The following CDH4 variants were observed in gnomAD, a reference collection of about 807,000 sequenced individuals.
CDH4 encodes cadherin 4.
CDH4 carries 33 observed loss-of-function variants against 86.0 expected under a neutral mutation model. The ratio of observed to expected loss-of-function variants is 0.38; its 90% CI spans 0.29 to 0.51. CDH4 has a LOEUF of 0.51. CDH4 is among the 20% of genes least tolerant of loss of function. CDH4 has a pLI of 0.86. For missense variants in CDH4, 1,114 were observed against 1,307.4 expected (o/e 0.85, Z 2.28); for synonymous variants, 555 against 549.4 (o/e 1.01, Z -0.14).
chr20:61,525,345 T>C (rs1160078938), intron 2 of CDH4, among the ~76,000 whole-genome samples: 1 of 152,138 alleles, frequency 6.6e-6, no homozygotes, highest in Non-Finnish European at 1.5e-5. Context: ...AGCACTTCCT[T>C]GGGTTTGCCC....
At chr20:61,550,437 G>A (rs1202589319) in intron 2 of CDH4, among the ~76,000 whole-genome samples, 3 of 152,150 alleles carry the variant, frequency 2.0e-5, no homozygotes, top group African/African-American at 4.8e-5. Flanking sequence ...CCCCTCTCAG[G>A]CCATTGGGAA....
intron 2 of CDH4, among the ~76,000 whole-genome samples, chr20:61,646,613 C>T (rs377166736): frequency 1.3e-4 from 20 of 152,322 alleles, no homozygotes; most frequent in African/African-American, 4.8e-4. Context: ...GGGGCCGTGC[C>T]CTGGGGCTCT....
At chr20:61,884,103 C>T (rs1182388516) in intron 7 of CDH4, among the ~76,000 whole-genome samples, 1 of 152,144 alleles carries the variant, frequency 6.6e-6, no homozygotes, top group South Asian at 2.1e-4. Flanking sequence ...TGATCCAGCT[C>T]AGCACAGCAG....
At chr20:61,675,894 CTG>C (rs1028344595) in intron 2 of CDH4, among the ~76,000 whole-genome samples, 79 of 152,368 alleles carry the variant, frequency 5.2e-4, no homozygotes, top group African/African-American at 1.7e-3. Flanking sequence ...GTGCCCCTCA[CTG>C]TGCTTTCCAA....
intron 2 of CDH4, among the ~76,000 whole-genome samples, chr20:61,288,845 AG>A (rs774007264): frequency 1.3e-5 from 2 of 152,242 alleles, no homozygotes; most frequent in East Asian, 1.9e-4. Context: ...GGGAGGTTCA[AG>A]GGTATTCCTT....
chr20:61,479,332 C>T (rs1161131481), intron 2 of CDH4, among the ~76,000 whole-genome samples: 1 of 152,060 alleles, frequency 6.6e-6, no homozygotes, highest in Non-Finnish European at 1.5e-5. Context: ...GGTATATCTC[C>T]TAATGCTATC....
chr20:61,636,513 C>T (rs757485333), intron 2 of CDH4, among the ~76,000 whole-genome samples: 96 of 152,264 alleles, frequency 6.3e-4, no homozygotes, highest in Middle Eastern at 3.2e-3. Context: ...AATCCCTGTT[C>T]CCGTCGCAGG....
intron 2 of CDH4, among the ~76,000 whole-genome samples, chr20:61,384,571 C>T (rs1258047142): frequency 6.6e-6 from 1 of 152,134 alleles, no homozygotes; most frequent in East Asian, 1.9e-4. Flanking sequence ...TCATCCCACC[C>T]TCTGCGTCTT....
In CDH4 at chr20:61,899,489, G is replaced by A. The variant is rs374260209; in HGVS notation, c.1188+4442G>A. Among the ~76,000 whole-genome samples, 45 of 152,172 alleles carry A rather than the reference G, an allele frequency of 3.0e-4. No homozygotes were observed. In the South Asian group the frequency reaches 5.2e-3, roughly 18 times the overall value. On this transcript the variant is annotated intron_variant, in intron 8 of 15. Transcript: ENST00000614565. ...GTCGCCCAGGCTGGAGTGCAGTGGC[G>A]TGGTCTCGGCTCACTGCAACCTCCG...
chr20:61,385,459 C>T (rs1287726234), intron 2 of CDH4, among the ~76,000 whole-genome samples: 2 of 140,416 alleles, frequency 1.4e-5, no homozygotes, highest in African/African-American at 5.6e-5. Context: ...CCCGCCGCCC[C>T]CCGCCCCCTT....
At chr20:61,301,956 A>G (rs894184072) in intron 2 of CDH4, among the ~76,000 whole-genome samples, 3 of 152,266 alleles carry the variant, frequency 2.0e-5, no homozygotes, top group African/African-American at 2.4e-5. Context: ...CTTTTACGCC[A>G]TACTTCCGTT....
intron 2 of CDH4, among the ~76,000 whole-genome samples, chr20:61,431,415 A>G (rs2085245964): frequency 7.5e-6 from 1 of 134,126 alleles, no homozygotes; most frequent in East Asian, 2.2e-4. Context: ...GCTGGAGTGT[A>G]GTTTTGCAAT....
rs376165563 is a variant in CDH4 at position 61,787,967 on chromosome 20, T to C, written c.576+14785T>C. On this transcript the variant is annotated intron_variant, in intron 4 of 15. Coordinates refer to ENST00000614565, the MANE Select transcript of CDH4 (RefSeq NM_001794.5). ...CAGGTCACTCAGGGGCGTGTGGCCATGGGAGGGACTTGGTGGTTGATTCTG... is the reference window on the plus strand; with the variant it reads ...CAGGTCACTCAGGGGCGTGTGGCCACGGGAGGGACTTGGTGGTTGATTCTG... 1.3e-3 allele frequency among the ~76,000 whole-genome samples: 195 copies of C among 152,290 alleles called. 1 individual carries two copies. Among genetic ancestry groups the C allele is most frequent in the African/African-American group, 4.0e-3 (168 of 41,546 alleles).
At chr20:61,815,986 G>T (rs1039380668) in intron 4 of CDH4, among the ~76,000 whole-genome samples, 1 of 152,162 alleles carries the variant, frequency 6.6e-6, no homozygotes, top group African/African-American at 2.4e-5. Flanking sequence ...CTTGGCCTCG[G>T]CACCAAGGAG....
chr20:61,675,808 G>A (rs1286876302), intron 2 of CDH4, among the ~76,000 whole-genome samples: 5 of 150,084 alleles, frequency 3.3e-5, no homozygotes, highest in African/African-American at 1.2e-4. Context: ...AAGCACTCCC[G>A]TGGAAACAAC....
At chr20:61,571,306 A>G (rs1600769871) in intron 2 of CDH4, among the ~76,000 whole-genome samples, 1 of 152,148 alleles carries the variant, frequency 6.6e-6, no homozygotes, top group East Asian at 1.9e-4. Flanking sequence ...CCTCAGGCAC[A>G]CTCAGGTGCG....
At chr20:61,395,595 C>G (rs2085012329) in intron 2 of CDH4, among the ~76,000 whole-genome samples, 1 of 152,028 alleles carries the variant, frequency 6.6e-6, no homozygotes, top group South Asian at 2.1e-4. Context: ...GCCTGGGCAA[C>G]ATGGTGAGAC....
intron 2 of CDH4, among the ~76,000 whole-genome samples, chr20:61,585,847 G>A (rs62643396): frequency 0.73 from 109,316 of 149,550 alleles, 40,256 homozygotes; most frequent in Admixed American, 0.8. Flanking sequence ...GTGGTGATGG[G>A]GAGGATAATG....
At chr20:61,652,120 G>A (rs929995185) in intron 2 of CDH4, among the ~76,000 whole-genome samples, 2 of 152,320 alleles carry the variant, frequency 1.3e-5, no homozygotes, top group East Asian at 3.9e-4. Context: ...GTCTGTGCAC[G>A]TGCCAGCGCT....
Sources: allele counts gnomAD v4.1 joint callset (sites outside exome capture counted in the v4.1 genomes callset), GRCh38; gene constraint gnomAD v4.1.1; transcripts MANE v1.5; gene names NCBI Gene and HGNC (gene_info 2026-07-23, HGNC 2026-07-21).